The following ADCY8 variants were observed in gnomAD, a reference collection of about 807,000 sequenced individuals.
ADCY8 encodes adenylate cyclase 8.
ADCY8 carries 51 observed loss-of-function variants against 119.7 expected under a neutral mutation model. That is an observed-to-expected ratio of 0.43 (90% CI 0.34 to 0.54). The LOEUF (loss-of-function observed/expected upper bound fraction) is 0.54, where lower values mean the gene tolerates loss of function less well. ADCY8 is among the 20% of genes least tolerant of loss of function. ADCY8 has a pLI of 0.03. For synonymous variants in ADCY8, 665 were observed against 651.0 expected, an observed-to-expected ratio of 1.02 and a Z score of -0.33; for missense variants, 1,383 against 1,598.8, an observed-to-expected ratio of 0.87 and a Z score of 2.30.
intron 10 of ADCY8, among the ~76,000 whole-genome samples, chr8:130,848,875 T>G (rs559490084): frequency 8.5e-4 from 130 of 152,312 alleles, no homozygotes; most frequent in Non-Finnish European, 1.3e-3. Flanking sequence ...TAAACAGTGA[T>G]AAATATCATG....
intron 12 of ADCY8, among the ~76,000 whole-genome samples, chr8:130,826,801 C>T (rs1287300191): frequency 2.0e-5 from 3 of 151,312 alleles, no homozygotes; most frequent in Non-Finnish European, 4.4e-5. Context: ...AGCTAGATAC[C>T]AAAACAAAAG....
intron 5 of ADCY8, among the ~76,000 whole-genome samples, chr8:130,919,446 T>C (rs765163434): frequency 6.6e-6 from 1 of 152,134 alleles, no homozygotes; most frequent in East Asian, 1.9e-4. Flanking sequence ...GATCTCTGAG[T>C]GCCAATGTGG....
intron 1 of ADCY8, chr8:130,990,791 A>T (rs1056431802): frequency 1.4e-4 from 44 of 313,358 alleles, no homozygotes; most frequent in Non-Finnish European, 2.3e-5. Flanking sequence ...TGGAGTCTTC[A>T]TGGGAAACCT....
At chr8:130,783,197 C>T (rs1006478676) in intron 17 of ADCY8, among the ~76,000 whole-genome samples, 1 of 152,138 alleles carries the variant, frequency 6.6e-6, no homozygotes, top group African/African-American at 2.4e-5. Flanking sequence ...TCTTTAAGCC[C>T]AAAGAAATGG....
intron 11 of ADCY8, among the ~76,000 whole-genome samples, chr8:130,846,881 C>T (rs1817337482): frequency 1.2e-4 from 3 of 24,300 alleles, no homozygotes; most frequent in South Asian, 3.9e-3. Flanking sequence ...CCTTCCCTTC[C>T]CTTCCCTTTC....
intron 4 of ADCY8, among the ~76,000 whole-genome samples, chr8:130,940,546 C>T (rs1159844593): frequency 6.6e-6 from 1 of 151,720 alleles, no homozygotes; most frequent in African/African-American, 2.4e-5. Context: ...ATATATAATA[C>T]ATTAAAGGCC....
intron 9 of ADCY8, among the ~76,000 whole-genome samples, chr8:130,863,233 CT>C (rs1302069724): frequency 6.6e-6 from 1 of 151,556 alleles, no homozygotes; most frequent in East Asian, 1.9e-4. Context: ...CCATTTTTAT[CT>C]CTGATAATTT....
chr8:130,836,453 G>A lies in ADCY8; in HGVS notation c.2503-4C>T. On this transcript the variant is annotated splice_polypyrimidine_tract_variant and splice_region_variant and intron_variant, in intron 11 of 17. Coordinates refer to ENST00000286355, the MANE Select transcript of ADCY8 (RefSeq NM_001115.3). ...ACACCCCCGTGAAGACAAAGTACTGGAAACAGAGAATGCAGGTGGTCAGAT... is the reference window on the plus strand; with the variant it reads ...ACACCCCCGTGAAGACAAAGTACTGAAAACAGAGAATGCAGGTGGTCAGAT... 2 of 1,612,524 alleles carry A rather than the reference G, an allele frequency of 1.2e-6. No individual in the cohort carries two copies. The highest frequency in any genetic ancestry group is 1.7e-6 in the Non-Finnish European group (2 of 1,179,230).
chr8:130,942,684 C>T (rs1033693196), intron 4 of ADCY8, among the ~76,000 whole-genome samples: 2 of 152,212 alleles, frequency 1.3e-5, no homozygotes, highest in Non-Finnish European at 2.9e-5. Flanking sequence ...ACACTTTACA[C>T]AGCAGGAAAT....
intron 12 of ADCY8, among the ~76,000 whole-genome samples, chr8:130,822,120 A>AAATACACAGATAATTTTAT (rs1816528416): frequency 6.6e-6 from 1 of 152,214 alleles, no homozygotes. Context: ...TAAGAGAAAT[A>AAATACACAGATAATTTTAT]AATACACAGA....
intron 2 of ADCY8, among the ~76,000 whole-genome samples, chr8:130,980,716 T>A (rs980214606): frequency 1.3e-5 from 2 of 152,248 alleles, no homozygotes; most frequent in Non-Finnish European, 2.9e-5. Context: ...TTTTGCCCTA[T>A]GCCAGATTTC....
intron 4 of ADCY8, among the ~76,000 whole-genome samples, chr8:130,937,797 T>G (rs551749991): frequency 6.6e-6 from 1 of 152,304 alleles, no homozygotes; most frequent in Non-Finnish European, 1.5e-5. Flanking sequence ...GCACCTATAA[T>G]AAGGCAAACA....
intron 2 of ADCY8, among the ~76,000 whole-genome samples, chr8:130,954,931 T>C (rs1032692015): frequency 1.3e-5 from 2 of 152,212 alleles, no homozygotes; most frequent in African/African-American, 2.4e-5. Flanking sequence ...AAAGAACCAT[T>C]GTTCATTAAG....
intron 2 of ADCY8, among the ~76,000 whole-genome samples, chr8:130,965,960 C>T (rs901075245): frequency 3.3e-5 from 5 of 152,194 alleles, no homozygotes; most frequent in Admixed American, 6.5e-5. Flanking sequence ...GATGTTTTCT[C>T]TACCTCCAGA....
chr8:130,787,558 T>C (rs1353970534), intron 15 of ADCY8, among the ~76,000 whole-genome samples: 1 of 142,020 alleles, frequency 7.0e-6, no homozygotes, highest in Non-Finnish European at 1.6e-5. Flanking sequence ...TGGACACACA[T>C]GTGGGCACAT....
At chr8:130,886,313 A>G (rs1173502767) in intron 7 of ADCY8, among the ~76,000 whole-genome samples, 15 of 152,054 alleles carry the variant, frequency 9.9e-5, no homozygotes, top group Admixed American at 9.8e-4. Context: ...CTGAGTACCA[A>G]AGAGACTACT....
At chr8:131,026,660 G>T (rs1823833553) in intron 1 of ADCY8, among the ~76,000 whole-genome samples, 1 of 152,180 alleles carries the variant, frequency 6.6e-6, no homozygotes, top group African/African-American at 2.4e-5. Flanking sequence ...ATCTCCAAGT[G>T]ATTCCTATTC....
Position 130,873,908 on chromosome 8 carries a change from G to T in ADCY8, c.2110-5962C>A, listed in dbSNP as rs115373833. Among the ~76,000 whole-genome samples the T allele has an allele frequency of 9.6e-3, 1,455 of 152,154 alleles. 29 individuals are homozygous for T. Among genetic ancestry groups the T allele is most frequent in the African/African-American group, 0.032 (1,320 of 41,514 alleles). ...TAGTTGTAAAAGAAAATTCTCAACT[G>T]GGATAACCTGTTCATTTTGCATTAG... On this transcript the variant is annotated intron_variant, in intron 8 of 17. Coordinates refer to ENST00000286355, the MANE Select transcript of ADCY8 (RefSeq NM_001115.3).
intron 9 of ADCY8, among the ~76,000 whole-genome samples, chr8:130,855,156 G>A (rs925060098): frequency 6.7e-6 from 1 of 150,006 alleles, no homozygotes; most frequent in Non-Finnish European, 1.5e-5. Flanking sequence ...TTTTGCTTTG[G>A]GGGCTAAGAA....
Sources: allele counts gnomAD v4.1 joint callset (sites outside exome capture counted in the v4.1 genomes callset), GRCh38; gene constraint gnomAD v4.1.1; transcripts MANE v1.5; gene names NCBI Gene and HGNC (gene_info 2026-07-23, HGNC 2026-07-21).